The following PIGP variants were observed in gnomAD, a reference collection of about 807,000 sequenced individuals.
PIGP encodes the protein phosphatidylinositol N-acetylglucosaminyltransferase subunit P.
PIGP carries 12 observed loss-of-function variants against 16.9 expected under a neutral mutation model. That is an observed-to-expected ratio of 0.71 (90% confidence interval 0.46 to 1.15). PIGP has a LOEUF of 1.15. PIGP is among the 50% of genes most tolerant of loss of function. PIGP has a pLI of 0.00. For missense variants in PIGP, 159 were observed against 153.5 expected (o/e 1.04, Z -0.19); for synonymous variants, 57 against 54.7 (o/e 1.04, Z -0.18).
chr21:37,070,182 T>C (rs8127496), intron 2 of PIGP, among the ~76,000 whole-genome samples: 62,564 of 152,020 alleles, frequency 0.41, 13,575 homozygotes, highest in Middle Eastern at 0.51. Flanking sequence ...TCTGTATGCA[T>C]TAAGATAATC....
In PIGP at chr21:37,072,501, T is replaced by G. The variant is rs755232601; in HGVS notation, c.15A>C (p.Ser5=). The change falls in exon 2 of 5, where the codon TCA becomes TCC. Residue 5 remains serine (S), a synonymous_variant. Transcript: ENST00000360525. MVEN[S]PSPLPERAIY... is the part of the protein sequence containing the mutation. Reference sequence around the variant, plus strand: ...TCGCTCTTTCTGGCAATGGCGACGGTGAATTTTCCACCATTTTTCCTGGGG... The same window carrying G: ...TCGCTCTTTCTGGCAATGGCGACGGGGAATTTTCCACCATTTTTCCTGGGG... The G allele has an allele frequency of 1.9e-6, 3 of 1,614,194 alleles. No homozygotes were observed. The Admixed American group carries it at 5.0e-5, about 27-fold the overall frequency.
At chr21:37,067,462 T>G in intron 3 of PIGP, 82 bp from the exon 4 acceptor site, 1 of 762,962 alleles carries the variant, frequency 1.3e-6, no homozygotes. Context: ...AGCCAACATG[T>G]TTTTTAAATT....
At chr21:37,070,188 TAATCCTCCAAGAC>T (rs1170655654) in intron 2 of PIGP, among the ~76,000 whole-genome samples, 1 of 152,198 alleles carries the variant, frequency 6.6e-6, no homozygotes, top group East Asian at 1.9e-4. Context: ...TGCATTAAGA[TAATCCTCCAAGAC>T]AATCCTCCAA....
In PIGP at chr21:37,072,423, A is replaced by G. The variant is rs766699150; in HGVS notation, c.82+11T>C. 70 of 1,614,000 alleles carry G rather than the reference A, an allele frequency of 4.3e-5. No homozygotes were observed. The highest frequency in any genetic ancestry group is 5.8e-5 in the Non-Finnish European group (68 of 1,179,936). ...AAAAAGCCCCTGGCCATCCATCAGG[A>G]AAGTACTTACTGAAGCCAAATTGGG... is the stretch of plus-strand genomic sequence containing the variant. On this transcript the variant is annotated intron_variant, in intron 2 of 4. Coordinates refer to ENST00000360525, the MANE Select transcript of PIGP (RefSeq NM_153682.3).
intron 3 of PIGP, chr21:37,069,295 G>GTTT (rs771377471): frequency 4.2e-4 from 87 of 205,642 alleles, no homozygotes; most frequent in Non-Finnish European, 5.6e-4. Context: ...TGTATCTTCA[G>GTTT]TTTTTTTTTT....
chr21:37,072,971 A>G (rs2070228741), intron 1 of PIGP, 29 bp downstream of exon 1: 1 of 192,196 alleles, frequency 5.2e-6, no homozygotes, highest in Non-Finnish European at 1.1e-5. Flanking sequence ...TCATACGCCC[A>G]CCCAGGCCCC....
At chr21:37,068,303 A>AT (rs767132801) in intron 3 of PIGP, among the ~76,000 whole-genome samples, 14 of 146,916 alleles carry the variant, frequency 9.5e-5, no homozygotes, top group East Asian at 4.0e-4. Context: ...TTATATTTTC[A>AT]TTTTTTTTTG....
At position 37,072,309 on chromosome 21, in the gene PIGP, T is replaced by C; in HGVS notation, c.82+125A>G. The C allele has an allele frequency of 1.9e-6, 3 of 1,600,388 alleles. No individual in the cohort carries two copies. In the South Asian group the frequency reaches 3.4e-5, roughly 18 times the overall value. Reference sequence around the variant, plus strand: ...AGCAAACACGAGATCCCTTCAGATTTTCTTAAAAAGAGACATAGGGAGAAA... The same window carrying C: ...AGCAAACACGAGATCCCTTCAGATTCTCTTAAAAAGAGACATAGGGAGAAA... On this transcript the variant is annotated intron_variant, in intron 2 of 4. Transcript: ENST00000360525.
Position 37,072,325 on chromosome 21 carries a change from T to C in PIGP, c.82+109A>G, listed in dbSNP as rs770927645. 427 of 1,596,980 alleles carry C rather than the reference T, an allele frequency of 2.7e-4. 1 individual carries two copies. The highest frequency in any genetic ancestry group is 7.2e-4 in the Admixed American group (42 of 58,590). On this transcript the variant is annotated intron_variant, in intron 2 of 4. Transcript: ENST00000360525. ...CTTCAGATTTTCTTAAAAAGAGACATAGGGAGAAAGAATCAACAGTTCATG... is the reference window on the plus strand; with the variant it reads ...CTTCAGATTTTCTTAAAAAGAGACACAGGGAGAAAGAATCAACAGTTCATG...
At chr21:37,072,702 G>C in intron 1 of PIGP, 165 bp from the exon 2 acceptor site, 1 of 1,119,672 alleles carries the variant, frequency 8.9e-7, no homozygotes, top group Non-Finnish European at 1.3e-6. Flanking sequence ...CAGACACCCA[G>C]GCTGGCGCGC....
At chr21:37,068,645 CTA>C (rs1382428964) in intron 3 of PIGP, among the ~76,000 whole-genome samples, 1 of 152,074 alleles carries the variant, frequency 6.6e-6, no homozygotes, top group Non-Finnish European at 1.5e-5. Flanking sequence ...GTTGGAAGCA[CTA>C]TGTGTATGTG....
chr21:37,072,962 C>A, intron 1 of PIGP, 38 bp downstream of exon 1: 1 of 208,170 alleles, frequency 4.8e-6, no homozygotes, highest in Non-Finnish European at 9.5e-6. Flanking sequence ...TCGGGTCCTT[C>A]ATACGCCCAC....
chr21:37,069,529 T>G, intron 3 of PIGP, 23 bp downstream of exon 3: 2 of 1,390,398 alleles, frequency 1.4e-6, no homozygotes, highest in Admixed American at 4.2e-5. Context: ...TATATCCTCA[T>G]TTAAGAAATA....
At chr21:37,072,946 T>G (rs1328331709) in intron 1 of PIGP, 54 bp downstream of exon 1, 1 of 223,684 alleles carries the variant, frequency 4.5e-6, no homozygotes, top group African/African-American at 2.3e-5. Flanking sequence ...GGGGGGGCCC[T>G]CGACCTCGGG....
intron 4 of PIGP, 78 bp downstream of exon 4, chr21:37,067,184 C>T: frequency 1.2e-6 from 1 of 843,880 alleles, no homozygotes; most frequent in South Asian, 1.5e-5. Context: ...GCAGCCTGTT[C>T]TTTGTTGCTT....
intron 2 of PIGP, among the ~76,000 whole-genome samples, chr21:37,071,606 A>ATGGTGCAGGC (rs1398056124): frequency 2.6e-5 from 4 of 152,182 alleles, no homozygotes; most frequent in Non-Finnish European, 5.9e-5. Flanking sequence ...AGCTGTGCTG[A>ATGGTGCAGGC]TGGTGCAGGC....
rs755114670 is a variant in PIGP, at chr21:37,072,432, AC to A, written c.82+1del. The stretch of plus-strand genomic sequence containing the variant: ...CTGGCCATCCATCAGGAAAGTACTT[AC>A]TGAAGCCAAATTGGGAGCTTAAGAA... On this transcript the variant is annotated splice_donor_variant, in intron 2 of 4. Coordinates refer to ENST00000360525, the MANE Select transcript of PIGP (RefSeq NM_153682.3). LOFTEE classifies it high-confidence loss of function. The A allele has an allele frequency of 6.2e-7, 1 of 1,614,142 alleles. No individual in the cohort carries two copies. The highest frequency in any genetic ancestry group is 1.7e-5 in the Admixed American group (1 of 60,034).
Position 37,068,923 on chromosome 21 carries a change from T to G in PIGP, c.155+629A>C, listed in dbSNP as rs182121845. 3.0e-3 allele frequency among the ~76,000 whole-genome samples: 455 copies of G among 152,264 alleles called. 1 individual carries two copies. Among genetic ancestry groups the G allele is most frequent in the Non-Finnish European group, 2.7e-3 (182 of 68,014 alleles). On this transcript the variant is annotated intron_variant, in intron 3 of 4. Coordinates refer to ENST00000360525, the MANE Select transcript of PIGP (RefSeq NM_153682.3). ...TCAGTAAGATGCCGCATTCCCACAC[T>G]CAGACTTAGTGGCCCCCATGCTAGA...
intron 2 of PIGP, chr21:37,072,221 G>C: frequency 1.2e-6 from 2 of 1,610,522 alleles, no homozygotes; most frequent in Non-Finnish European, 8.5e-7. Flanking sequence ...ATCGCGTCTG[G>C]TGCTGTATAA....
Sources: allele counts gnomAD v4.1 joint callset (sites outside exome capture counted in the v4.1 genomes callset), GRCh38; gene constraint gnomAD v4.1.1; transcripts MANE v1.5; gene names NCBI Gene and HGNC (gene_info 2026-07-23, HGNC 2026-07-21).